Variants in DAPK1 observed in about 807,000 individuals in gnomAD.
The protein encoded by DAPK1 is death-associated protein kinase 1.
Under a neutral mutation model 144.9 loss-of-function variants are expected in DAPK1, and 56 were observed. The observed-to-expected ratio is 0.39, with a 90% confidence interval of 0.31 to 0.48. The LOEUF (loss-of-function observed/expected upper bound fraction) is 0.48, where lower values mean the gene tolerates loss of function less well. Among genes scored for constraint, DAPK1 ranks in the 20% least tolerant of loss-of-function variants. DAPK1 has a pLI of 0.95. For missense variants in DAPK1, 1,454 were observed against 1,875.4 expected (o/e 0.78, Z 4.15); for synonymous variants, 690 against 749.0 (o/e 0.92, Z 1.29).
upstream of DAPK1, chr9:87,497,797 G>T (rs775286116): frequency 8.3e-4 from 302 of 364,040 alleles, 1 homozygote; most frequent in Non-Finnish European, 1.3e-3. Flanking sequence ...CCGCCAGCCC[G>T]CTTGCAGGGT....
intron 3 of DAPK1, among the ~76,000 whole-genome samples, chr9:87,607,765 C>T (rs1828782839): frequency 1.3e-5 from 2 of 152,056 alleles, no homozygotes; most frequent in African/African-American, 4.8e-5. Flanking sequence ...TTAATACTAC[C>T]CCTTCATGCC....
chr9:87,506,010 A>C (rs2118046348), intron 2 of DAPK1, among the ~76,000 whole-genome samples: 1 of 152,332 alleles, frequency 6.6e-6, no homozygotes. Context: ...GACCTGGAAG[A>C]AGGCTGAGTG....
chr9:87,701,332 T>G (rs1825444219), intron 24 of DAPK1, among the ~76,000 whole-genome samples: 1 of 152,126 alleles, frequency 6.6e-6, no homozygotes, highest in South Asian at 2.1e-4. Flanking sequence ...AATAAATACC[T>G]TGAATAGAAA....
chr9:87,505,153 C>A (rs1824539059), intron 2 of DAPK1, among the ~76,000 whole-genome samples: 1 of 152,182 alleles, frequency 6.6e-6, no homozygotes, highest in African/African-American at 2.4e-5. Context: ...GTGGCATGGT[C>A]AAGGTCACAT....
At chr9:87,515,482 A>G (rs1435945763) in intron 2 of DAPK1, among the ~76,000 whole-genome samples, 1 of 152,140 alleles carries the variant, frequency 6.6e-6, no homozygotes, top group Non-Finnish European at 1.5e-5. Flanking sequence ...ATGAAAACAC[A>G]CATAGATGGT....
At chr9:87,694,550 T>C (rs1825189705) in intron 21 of DAPK1, among the ~76,000 whole-genome samples, 1 of 152,134 alleles carries the variant, frequency 6.6e-6, no homozygotes, top group Non-Finnish European at 1.5e-5. Context: ...TCAGCAGCCA[T>C]ATGCGGCCAG....
Position 87,637,931 on chromosome 9 carries a change from C to G in DAPK1, c.285-12C>G, listed in dbSNP as rs1829960114. ...GAGTTGTTACCAATAACCTCTGCTTCCGGGTTCTCAGCGTTGCAGGTGGCG... is the reference window on the plus strand; with the variant it reads ...GAGTTGTTACCAATAACCTCTGCTTGCGGGTTCTCAGCGTTGCAGGTGGCG... On this transcript the variant is annotated splice_polypyrimidine_tract_variant and intron_variant, in intron 3 of 25. Transcript: ENST00000408954. The G allele has an allele frequency of 1.9e-6, 3 of 1,612,628 alleles. No individual in the cohort carries two copies. The highest frequency in any genetic ancestry group is 2.5e-6 in the Non-Finnish European group (3 of 1,179,008).
intron 2 of DAPK1, among the ~76,000 whole-genome samples, chr9:87,568,161 G>T (rs919842968): frequency 6.6e-6 from 1 of 152,236 alleles, no homozygotes; most frequent in Non-Finnish European, 1.5e-5. Context: ...GGGGAGCTGC[G>T]GGCCTGTGTC....
At chr9:87,695,316 T>G (rs1390104006) in intron 21 of DAPK1, among the ~76,000 whole-genome samples, 2 of 152,112 alleles carry the variant, frequency 1.3e-5, no homozygotes, top group Non-Finnish European at 2.9e-5. Context: ...GACTGCAGGA[T>G]TTTGGGTACA....
intron 2 of DAPK1, among the ~76,000 whole-genome samples, chr9:87,531,972 T>G (rs535058665): frequency 6.6e-6 from 1 of 152,348 alleles, no homozygotes; most frequent in South Asian, 2.1e-4. Context: ...TTTTGCCTTT[T>G]AAGAGGCATC....
intron 2 of DAPK1, among the ~76,000 whole-genome samples, chr9:87,574,939 C>T (rs376975428): frequency 7.9e-5 from 12 of 151,118 alleles, no homozygotes; most frequent in East Asian, 3.9e-4. Flanking sequence ...AAAACAAGGC[C>T]GGGCGTGGTG....
At chr9:87,590,266 AT>A (rs955478066) in intron 2 of DAPK1, among the ~76,000 whole-genome samples, 91 of 152,138 alleles carry the variant, frequency 6.0e-4, no homozygotes, top group African/African-American at 2.0e-3. Context: ...TTTAAAAAAA[AT>A]ACCTAACAGG....
intron 2 of DAPK1, among the ~76,000 whole-genome samples, chr9:87,520,078 T>C (rs892711100): frequency 1.3e-5 from 2 of 152,120 alleles, no homozygotes; most frequent in African/African-American, 2.4e-5. Flanking sequence ...TAATATAGAA[T>C]TGACTTCTTC....
chr9:87,644,940 G>A (rs1830219230), intron 11 of DAPK1, among the ~76,000 whole-genome samples: 1 of 152,144 alleles, frequency 6.6e-6, no homozygotes, highest in African/African-American at 2.4e-5. Context: ...GACTTCAATT[G>A]TGATAGAAAA....
Position 87,698,648 on chromosome 9 carries a change from G to GC in DAPK1, c.2612-3dup. 1 of 1,596,902 alleles carries GC rather than the reference G, an allele frequency of 6.3e-7. No homozygotes were observed. The highest frequency in any genetic ancestry group is 8.6e-7 in the Non-Finnish European group (1 of 1,165,412). On this transcript the variant is annotated splice_polypyrimidine_tract_variant and splice_region_variant and intron_variant, in intron 22 of 25. Transcript: ENST00000408954. Reference sequence around the variant, plus strand: ...CACCCCCTGAAGCAGTTCCCTCTCTGCCCCCAGCCTTCGGTGGCAAGCTGA... The same window carrying GC: ...CACCCCCTGAAGCAGTTCCCTCTCTGCCCCCCAGCCTTCGGTGGCAAGCTGA...
Position 87,686,565 on chromosome 9 carries a change from A to G in DAPK1, c.2239A>G (p.Asn747Asp). The G allele has an allele frequency of 6.4e-7, 1 of 1,566,378 alleles. No homozygotes were observed. Among genetic ancestry groups the G allele is most frequent in the Non-Finnish European group, 8.7e-7 (1 of 1,152,626 alleles). ...ASKPTVSVSI[N>D]NLYPGCENVS... ...CCATCCTGCAGTCTCAGTGAGCATC[A>G]ACAACCTGTACCCAGGCTGCGAGAA... is the stretch of plus-strand genomic sequence containing the variant. Residue 747 changes from asparagine (N) to aspartate (D), a missense_variant, in exon 21 of 26, where the codon AAC becomes GAC. Asn to Asp is a conservative substitution (Grantham distance 23). Around this residue, in one of 2 missense-constraint regions of DAPK1, gnomAD observed 1,025 missense variants for 1,237.9 expected, o/e 0.83. Transcript: ENST00000408954. This position sits in a 1 kb window ranked among gnomAD's most constrained non-coding sequence, Gnocchi z 4.2.
intron 2 of DAPK1, among the ~76,000 whole-genome samples, chr9:87,533,990 C>A (rs921355050): frequency 9.9e-5 from 15 of 152,164 alleles, no homozygotes; most frequent in African/African-American, 3.6e-4. Flanking sequence ...AACAGCAGTT[C>A]TCAGGTTCCT....
chr9:87,504,510 C>A (rs1233252499), intron 2 of DAPK1, among the ~76,000 whole-genome samples: 1 of 152,118 alleles, frequency 6.6e-6, no homozygotes, highest in South Asian at 2.1e-4. Flanking sequence ...CATGGAAGCT[C>A]ACTTCTTGGT....
chr9:87,624,929 A>G (rs939613139), intron 3 of DAPK1, among the ~76,000 whole-genome samples: 1 of 152,232 alleles, frequency 6.6e-6, no homozygotes, highest in Non-Finnish European at 1.5e-5. Flanking sequence ...GTGACTGTGC[A>G]GGCCACAGCG....
Sources: allele counts gnomAD v4.1 joint callset (sites outside exome capture counted in the v4.1 genomes callset), GRCh38; gene constraint gnomAD v4.1.1; regional missense constraint gnomAD v4.1.1; non-coding constraint Gnocchi (gnomAD v3.1); transcripts MANE v1.5; gene names NCBI Gene and HGNC (gene_info 2026-07-23, HGNC 2026-07-21).